The following ADRA1A variants were observed in gnomAD, a reference collection of about 807,000 sequenced individuals.
ADRA1A encodes adrenoceptor alpha 1A.
A neutral mutation model predicts 29.6 loss-of-function variants in ADRA1A; 31 were observed. That is an observed-to-expected ratio of 1.05 (90% CI 0.79 to 1.41). ADRA1A has a LOEUF of 1.41. Among genes scored for constraint, ADRA1A ranks in the 40% most tolerant of loss-of-function variants. The probability of loss-of-function intolerance (pLI) is 0.00; values close to 1 mark genes in which losing one functional copy is unlikely to be tolerated. For missense variants in ADRA1A, 619 were observed against 601.1 expected (o/e 1.03, Z -0.31); for synonymous variants, 311 against 254.3 (o/e 1.22, Z -2.12).
intron 2 of ADRA1A, among the ~76,000 whole-genome samples, chr8:26,774,935 C>A (rs1378471576): frequency 6.6e-6 from 1 of 152,110 alleles, no homozygotes; most frequent in East Asian, 1.9e-4. Flanking sequence ...TTCCTGAGGA[C>A]TGGCTATGTT....
Position 26,864,883 on chromosome 8 carries a change from G to A in ADRA1A, c.87C>T (p.Leu29=), listed in dbSNP as rs1413017546. The A allele has an allele frequency of 1.2e-6, 2 of 1,614,078 alleles. No homozygotes were observed. The highest frequency in any genetic ancestry group is 1.3e-5 in the African/African-American group (1 of 75,052). The change falls in exon 2 of 3, where the codon CTC becomes CTT. Residue 29 remains leucine, a synonymous_variant. Transcript: ENST00000380573. This position sits in a 1 kb window ranked among gnomAD's most constrained non-coding sequence, Gnocchi z 8.1. ...APVNISKAIL[L]GVILGGLILF... The stretch of plus-strand genomic sequence containing the variant: ...GAATGAGGCCCCCCAAGATCACCCC[G>A]AGCAGAATGGCCTTGGAAATGTTCA...
At chr8:26,813,741 T>C (rs1169844164) in intron 2 of ADRA1A, among the ~76,000 whole-genome samples, 1 of 152,042 alleles carries the variant, frequency 6.6e-6, no homozygotes, top group East Asian at 1.9e-4. Context: ...GCATTTTTTC[T>C]CATTATTTTA....
At chr8:26,834,672 G>C (rs578012432) in intron 2 of ADRA1A, among the ~76,000 whole-genome samples, 3 of 152,314 alleles carry the variant, frequency 2.0e-5, no homozygotes, top group African/African-American at 7.2e-5. Flanking sequence ...CAGTCAGATA[G>C]TTCTTCACTT....
intron 2 of ADRA1A, among the ~76,000 whole-genome samples, chr8:26,777,649 G>A (rs1403287509): frequency 1.3e-5 from 2 of 152,236 alleles, no homozygotes; most frequent in Admixed American, 1.3e-4. Flanking sequence ...GTGTTGGCAT[G>A]TGGAGTCTTT....
chr8:26,765,998 C>T (rs1417828907), downstream of ADRA1A: 15 of 1,609,118 alleles, frequency 9.3e-6, no homozygotes, highest in Non-Finnish European at 1.3e-5. Flanking sequence ...ATAGCCATAG[C>T]TTCCAGCTGA....
At chr8:26,822,473 T>C (rs771494445) in intron 2 of ADRA1A, among the ~76,000 whole-genome samples, 4 of 152,192 alleles carry the variant, frequency 2.6e-5, no homozygotes, top group Admixed American at 6.5e-5. Context: ...AAAATAGCCA[T>C]ACATGGCTAG....
At chr8:26,788,283 C>G (rs908506633) in intron 2 of ADRA1A, among the ~76,000 whole-genome samples, 4 of 152,050 alleles carry the variant, frequency 2.6e-5, no homozygotes, top group Non-Finnish European at 4.4e-5. Flanking sequence ...TAAGTCTACT[C>G]TAGAGCTGAG....
intron 2 of ADRA1A, among the ~76,000 whole-genome samples, chr8:26,837,563 A>G (rs1487141762): frequency 1.3e-5 from 2 of 151,854 alleles, no homozygotes; most frequent in African/African-American, 4.8e-5. Flanking sequence ...AGGCACAAGA[A>G]TCGCTTGAGC....
In ADRA1A at chr8:26,865,792, C is replaced by G; in HGVS notation, c.-686-137G>C. 1 of 836,484 alleles carries G rather than the reference C, an allele frequency of 1.2e-6. No homozygotes were observed. The highest frequency in any genetic ancestry group is 1.4e-6 in the Non-Finnish European group (1 of 694,476). The allele number at this position is 836,484 out of a possible 1,614,324, so 51.8% of individuals were successfully genotyped here. On this transcript the variant is annotated intron_variant, in intron 1 of 2. Transcript: ENST00000380573. This position sits in a 1 kb window ranked among gnomAD's most constrained non-coding sequence, Gnocchi z 7.6. ...GTCCAGAAGCTGCTTCGCCCGGCAG[C>G]GGTGGAGGCGACTTCGGAGCTCATC...
At chr8:26,788,252 G>A (rs4732875) in intron 2 of ADRA1A, among the ~76,000 whole-genome samples, 51,280 of 151,834 alleles carry the variant, frequency 0.34, 9,987 homozygotes, top group East Asian at 0.84. Context: ...TAAATAATAG[G>A]TGTGTTTCTA....
chr8:26,772,570 G>A (rs1433638053), intron 2 of ADRA1A, among the ~76,000 whole-genome samples: 1 of 152,080 alleles, frequency 6.6e-6, no homozygotes, highest in African/African-American at 2.4e-5. Flanking sequence ...ATTCCTAATG[G>A]CCCTGAACAA....
Position 26,821,583 on chromosome 8 carries a change from G to A in ADRA1A, c.883+42504C>T, listed in dbSNP as rs1810174757. 6.6e-6 allele frequency among the ~76,000 whole-genome samples: 1 copy of A among 152,144 alleles called. No individual in the cohort carries two copies. ...CATTTCAACACGAGATTTGGAGGGG[G>A]CAAACATTCAAACCACATTACCAGG... On this transcript the variant is annotated intron_variant, in intron 2 of 2. Transcript: ENST00000380573. This position sits in a 1 kb window ranked among gnomAD's most constrained non-coding sequence, Gnocchi z 5.6.
intron 2 of ADRA1A, among the ~76,000 whole-genome samples, chr8:26,844,589 A>G (rs538139424): frequency 3.8e-4 from 58 of 152,336 alleles, no homozygotes; most frequent in African/African-American, 1.3e-3. Context: ...ATCTATGATC[A>G]GTTGAATTTC....
At chr8:26,830,006 G>T (rs1810858838) in intron 2 of ADRA1A, among the ~76,000 whole-genome samples, 1 of 152,150 alleles carries the variant, frequency 6.6e-6, no homozygotes, top group African/African-American at 2.4e-5. Flanking sequence ...CAGGGAGAAG[G>T]AATGTCGGAT....
At chr8:26,859,235 A>T in intron 2 of ADRA1A, 1 of 1,228,632 alleles carries the variant, frequency 8.1e-7, no homozygotes, top group Non-Finnish European at 1.1e-6. Context: ...TAGTATATTT[A>T]TTCTTCTGCT....
chr8:26,759,598 T>C (rs1403660808), intron 2 of ADRA1A, among the ~76,000 whole-genome samples: 1 of 152,182 alleles, frequency 6.6e-6, no homozygotes, highest in Non-Finnish European at 1.5e-5. Context: ...ACCTCTGTTA[T>C]GACTCCAGGA....
At chr8:26,770,693 A>C (rs761434101) in intron 2 of ADRA1A, 27 bp from the exon 3 acceptor site, 2 of 1,557,526 alleles carry the variant, frequency 1.3e-6, no homozygotes, top group Admixed American at 3.8e-5. Flanking sequence ...AGATTTATAC[A>C]TATTATTTGA....
At chr8:26,767,553 A>T (rs184743121), downstream of ADRA1A, among the ~76,000 whole-genome samples, 1 of 152,260 alleles carries the variant, frequency 6.6e-6, no homozygotes, top group African/African-American at 2.4e-5. Context: ...GTAGCAGAAA[A>T]TTATTTACGG....
At chr8:26,786,750 G>A (rs1174873747) in intron 2 of ADRA1A, among the ~76,000 whole-genome samples, 1 of 151,852 alleles carries the variant, frequency 6.6e-6, no homozygotes, top group Non-Finnish European at 1.5e-5. Context: ...GGGTTGGGGG[G>A]GGGGGTCTCT....
Sources: gnomAD v4.1 joint callset for allele counts (sites outside exome capture counted in the v4.1 genomes callset) on GRCh38, gnomAD v4.1.1 for gene constraint, Gnocchi (gnomAD v3.1) non-coding constraint, MANE v1.5 for transcripts, NCBI Gene and HGNC (gene_info 2026-07-23, HGNC 2026-07-21) for gene names.